Variants in KMO observed in about 807,000 individuals in gnomAD.
KMO encodes the protein kynurenine 3-monooxygenase.
Under a neutral mutation model 57.8 loss-of-function variants are expected in KMO, and 24 were observed. The observed-to-expected ratio is 0.42, with a 90% CI of 0.30 to 0.58. The LOEUF is 0.58. Ranked by LOEUF, KMO falls within the 20% of genes least tolerant of loss-of-function variation. The pLI is 0.22. For missense variants in KMO, 483 were observed against 588.2 expected (o/e 0.82, Z 1.85); for synonymous variants, 210 against 193.6 (o/e 1.08, Z -0.70).
intron 10 of KMO, among the ~76,000 whole-genome samples, chr1:241,575,157 A>T (rs373042840): frequency 1.2e-4 from 18 of 151,984 alleles, no homozygotes; most frequent in African/African-American, 3.9e-4. Flanking sequence ...ATCTTCTCTT[A>T]TATTTTCTTG....
In KMO at chr1:241,562,296, G is replaced by A; in HGVS notation, c.579G>A (p.Gly193=). The stretch of plus-strand genomic sequence containing the variant: ...ACAGTCAGCAGTACATTCCTCATGG[G>A]TACATGGAGTTGACTATTCCACCTA... The part of the protein sequence containing the change: ...FDYSQQYIPH[G]YMELTIPPKN... The change falls in exon 7 of 15, where the codon GGG becomes GGA. Residue 193 remains glycine (G), a synonymous_variant. Coordinates refer to ENST00000366559, the MANE Select transcript of KMO (RefSeq NM_003679.5). The A allele has an allele frequency of 6.2e-7, 1 of 1,614,102 alleles. No individual in the cohort carries two copies. Among genetic ancestry groups the A allele is most frequent in the Non-Finnish European group, 8.5e-7 (1 of 1,179,954 alleles).
rs372844382 is a variant in KMO at position 241,548,893 on chromosome 1, G to C, written c.119G>C (p.Arg40Thr). The change falls in exon 2 of 15, where the codon AGG (arginine) becomes ACG (threonine). Residue 40 changes from arginine (R) to threonine (T), a missense_variant. Coordinates refer to ENST00000366559, the MANE Select transcript of KMO (RefSeq NM_003679.5). ...RNFQIDVYEA[R>T]EDTRVATFTR... ...TTCCAGATTGATGTATATGAAGCTA[G>C]GGAAGGTACGTCCATGGTGAAAAAA... 2 of 1,604,268 alleles carry C rather than the reference G, an allele frequency of 1.2e-6. No homozygotes were observed. Among genetic ancestry groups the C allele is most frequent in the African/African-American group, 2.7e-5 (2 of 74,582 alleles).
chr1:241,572,496 T>G (rs1176288762), intron 10 of KMO, among the ~76,000 whole-genome samples: 4 of 152,096 alleles, frequency 2.6e-5, no homozygotes, highest in African/African-American at 4.8e-5. Context: ...GTTTGTTGAT[T>G]TTGTTTATTT....
chr1:241,557,995 AC>A (rs757998285), intron 5 of KMO, among the ~76,000 whole-genome samples: 133 of 152,280 alleles, frequency 8.7e-4, no homozygotes, highest in Non-Finnish European at 1.7e-3. Context: ...GATTTGCATA[AC>A]CCTTTCAACA....
chr1:241,536,024 G>T (rs889751827), intron 1 of KMO, among the ~76,000 whole-genome samples: 1 of 152,140 alleles, frequency 6.6e-6, no homozygotes, highest in Non-Finnish European at 1.5e-5. Flanking sequence ...TATAATGTGA[G>T]CCACACTAAA....
At chr1:241,581,512 G>A (rs1051990174) in intron 10 of KMO, among the ~76,000 whole-genome samples, 1 of 151,352 alleles carries the variant, frequency 6.6e-6, no homozygotes, top group Non-Finnish European at 1.5e-5. Flanking sequence ...TTTGTTTTGT[G>A]GTTACCATGA....
intron 10 of KMO, among the ~76,000 whole-genome samples, chr1:241,575,225 G>A (rs927640973): frequency 1.3e-5 from 2 of 151,826 alleles, no homozygotes; most frequent in African/African-American, 2.4e-5. Flanking sequence ...TCAACTTTTT[G>A]TCTTGTTGAT....
intron 4 of KMO, among the ~76,000 whole-genome samples, chr1:241,552,805 T>C (rs1305484369): frequency 6.6e-6 from 1 of 152,230 alleles, no homozygotes; most frequent in African/African-American, 2.4e-5. Context: ...CAGCTGTTTT[T>C]TCTTTTGAAC....
At chr1:241,536,557 G>T (rs1660760915) in intron 1 of KMO, 2 of 977,462 alleles carry the variant, frequency 2.0e-6, no homozygotes, top group Non-Finnish European at 2.4e-6. Flanking sequence ...CTGAAGCCAA[G>T]AGCCTTGGTA....
chr1:241,594,285 G>A lies in KMO; in HGVS notation c.*2132G>A. The A allele has an allele frequency of 1.1e-6, 1 of 878,386 alleles. No homozygotes were observed. Among genetic ancestry groups the A allele is most frequent in the Non-Finnish European group, 1.7e-6 (1 of 574,350 alleles). 54.4% of individuals were successfully genotyped at this position (878,386 alleles called of 1,614,324 possible). On this transcript the variant is annotated 3_prime_UTR_variant, in exon 15 of 15. Coordinates refer to ENST00000366559, the MANE Select transcript of KMO (RefSeq NM_003679.5). Reference sequence around the variant, plus strand: ...TTCAACCTCTTCCTGAGGCCCAAGAGCATATGGGCAATTCGGATTTCCTGC... The same window carrying A: ...TTCAACCTCTTCCTGAGGCCCAAGAACATATGGGCAATTCGGATTTCCTGC...
intron 1 of KMO, among the ~76,000 whole-genome samples, chr1:241,540,839 G>A (rs1310166948): frequency 6.6e-6 from 1 of 152,076 alleles, no homozygotes; most frequent in African/African-American, 2.4e-5. Context: ...CGAGGCAGAA[G>A]GATCACATGA....
At chr1:241,550,816 C>T (rs994200673) in intron 3 of KMO, 139 bp from the exon 4 acceptor site, 11 of 527,740 alleles carry the variant, frequency 2.1e-5, no homozygotes, top group East Asian at 9.7e-5. Flanking sequence ...GTTTCTACCA[C>T]GTTGGGCTTC....
intron 1 of KMO, among the ~76,000 whole-genome samples, chr1:241,547,462 A>G (rs1373555275): frequency 6.6e-6 from 1 of 152,076 alleles, no homozygotes; most frequent in East Asian, 1.9e-4. Flanking sequence ...AGGCAACCCA[A>G]TAGAAAATGG....
intron 4 of KMO, among the ~76,000 whole-genome samples, chr1:241,554,277 TCCTTCCTC>T (rs1661523175): frequency 6.9e-6 from 1 of 144,606 alleles, no homozygotes; most frequent in East Asian, 2.1e-4. Context: ...CTTCCTTCCT[TCCTTCCTC>T]CCTTCTTTCT....
intron 10 of KMO, among the ~76,000 whole-genome samples, chr1:241,571,528 A>G (rs1032631386): frequency 3.9e-5 from 6 of 152,164 alleles, no homozygotes; most frequent in African/African-American, 1.4e-4. Flanking sequence ...CTTTTTCAGC[A>G]TCAATTGAAA....
chr1:241,537,825 C>G (rs928241917), intron 1 of KMO, among the ~76,000 whole-genome samples: 1 of 152,120 alleles, frequency 6.6e-6, no homozygotes, highest in African/African-American at 2.4e-5. Flanking sequence ...GGGAAAGACC[C>G]AATCCCATGA....
At chr1:241,543,619 T>G (rs1175989261) in intron 1 of KMO, among the ~76,000 whole-genome samples, 1 of 152,176 alleles carries the variant, frequency 6.6e-6, no homozygotes, top group African/African-American at 2.4e-5. Flanking sequence ...TAGCAAAAGT[T>G]TCTCCTGTGT....
intron 2 of KMO, among the ~76,000 whole-genome samples, chr1:241,549,336 A>AG (rs1661307147): frequency 1.3e-5 from 2 of 150,766 alleles, no homozygotes; most frequent in South Asian, 2.1e-4. Flanking sequence ...AAGAAAGATG[A>AG]AAAGAAAGAA....
chr1:241,569,321 C>T (rs527296942), intron 10 of KMO, among the ~76,000 whole-genome samples: 5 of 151,188 alleles, frequency 3.3e-5, no homozygotes, highest in African/African-American at 1.2e-4. Flanking sequence ...ACACTTCCAC[C>T]CTACTACCAT....
Sources: gnomAD v4.1 joint callset for allele counts (sites outside exome capture counted in the v4.1 genomes callset) on GRCh38, gnomAD v4.1.1 for gene constraint, MANE v1.5 for transcripts, NCBI Gene and HGNC (gene_info 2026-07-23, HGNC 2026-07-21) for gene names.